RBFOX1: variants seen among roughly 807,000 people sequenced by gnomAD.
RBFOX1 encodes the protein RNA binding protein fox-1 homolog 1.
RBFOX1 carries 8 observed loss-of-function variants against 57.7 expected under a neutral mutation model. The observed-to-expected ratio is 0.14, with a 90% CI of 0.08 to 0.25. The LOEUF (loss-of-function observed/expected upper bound fraction) is 0.25, where lower values mean the gene tolerates loss of function less well. Among genes scored for constraint, RBFOX1 ranks in the 10% least tolerant of loss-of-function variants. The pLI, the probability that RBFOX1 is intolerant of heterozygous loss-of-function variation, is 1.00. For missense variants in RBFOX1, 611 were observed against 548.5 expected (o/e 1.11, Z -1.14); for synonymous variants, 326 against 222.4 (o/e 1.47, Z -4.15).
intron 2 of RBFOX1, among the ~76,000 whole-genome samples, chr16:6,569,504 A>C (rs755678152): frequency 1.2e-4 from 18 of 152,200 alleles, no homozygotes; most frequent in Non-Finnish European, 2.5e-4. Context: ...CCTTCACTAG[A>C]TGGAAGTGTC....
chr16:6,173,462 CACACATAG>C (rs1342951714), intron 1 of RBFOX1, among the ~76,000 whole-genome samples: 2 of 152,118 alleles, frequency 1.3e-5, no homozygotes, highest in Non-Finnish European at 2.9e-5. Flanking sequence ...TGTGCATGTG[CACACATAG>C]ACACACACAC....
At chr16:6,316,897 T>C in intron 1 of RBFOX1, 98 bp from the exon 2 acceptor site, 1 of 854,178 alleles carries the variant, frequency 1.2e-6, no homozygotes, top group Non-Finnish European at 1.8e-6. Flanking sequence ...CAGAACCTAT[T>C]TTGAAGGTTG....
At chr16:7,602,672 C>G (rs2095096006) in intron 9 of RBFOX1, among the ~76,000 whole-genome samples, 1 of 152,060 alleles carries the variant, frequency 6.6e-6, no homozygotes, top group Non-Finnish European at 1.5e-5. Context: ...TTACATAAGC[C>G]CGCATGAGCT....
At chr16:5,859,252 A>C (rs1415400368) in intron 3 of RBFOX1, among the ~76,000 whole-genome samples, 1 of 152,132 alleles carries the variant, frequency 6.6e-6, no homozygotes, top group Non-Finnish European at 1.5e-5. Context: ...GGCTGTTTGC[A>C]AGTGGCTCTG....
chr16:7,277,621 C>G (rs2141032461), intron 4 of RBFOX1, among the ~76,000 whole-genome samples: 1 of 152,098 alleles, frequency 6.6e-6, no homozygotes, highest in South Asian at 2.1e-4. Context: ...CTCATTATTT[C>G]TTAGTCTCAG....
chr16:6,525,675 C>T (rs1197469193), intron 2 of RBFOX1, among the ~76,000 whole-genome samples: 1 of 152,022 alleles, frequency 6.6e-6, no homozygotes, highest in Admixed American at 6.6e-5. Context: ...TAGATGGTGT[C>T]TTGTTGCTGT....
intron 1 of RBFOX1, among the ~76,000 whole-genome samples, chr16:6,260,530 T>C (rs2097695482): frequency 6.6e-6 from 1 of 152,076 alleles, no homozygotes; most frequent in Non-Finnish European, 1.5e-5. Context: ...TAAAAGCCAT[T>C]GAGAAATGGC....
intron 2 of RBFOX1, chr16:6,483,451 C>A (rs749971737): frequency 2.0e-6 from 3 of 1,535,588 alleles, no homozygotes; most frequent in East Asian, 2.4e-5. Flanking sequence ...GGACTTCTCC[C>A]GTGCTGTGTT....
intron 1 of RBFOX1, among the ~76,000 whole-genome samples, chr16:5,287,358 C>T (rs907660844): frequency 1.3e-5 from 2 of 151,992 alleles, no homozygotes; most frequent in African/African-American, 4.8e-5. Flanking sequence ...TTCTGAATTT[C>T]TGGGTAGGTA....
At chr16:5,433,496 G>A (rs1054323080) in intron 1 of RBFOX1, among the ~76,000 whole-genome samples, 3 of 152,192 alleles carry the variant, frequency 2.0e-5, no homozygotes, top group African/African-American at 7.2e-5. Context: ...TGGCATCTTT[G>A]AGGAGGGCAG....
In RBFOX1 at chr16:6,809,911, G is replaced by T. The variant is rs569481714; in HGVS notation, c.-16+155261G>T. Among the ~76,000 whole-genome samples the T allele has an allele frequency of 4.7e-4, 72 of 152,088 alleles. No homozygotes were observed. The South Asian group carries it at 1.0e-2, about 21-fold the overall frequency. Reference sequence around the variant, plus strand: ...TGGAGAGAGTTGCTTTTGTACAAATGAATAAACACCACCAAGATGAGCCTA... The same window carrying T: ...TGGAGAGAGTTGCTTTTGTACAAATTAATAAACACCACCAAGATGAGCCTA... On this transcript the variant is annotated intron_variant, in intron 3 of 15. Transcript: ENST00000550418.
chr16:5,323,082 T>G (rs1221667322), intron 1 of RBFOX1, among the ~76,000 whole-genome samples: 1 of 152,166 alleles, frequency 6.6e-6, no homozygotes, highest in Non-Finnish European at 1.5e-5. Flanking sequence ...ACCTGCAAAA[T>G]GCAATGGGAA....
At chr16:6,865,011 T>C (rs2059672733) in intron 3 of RBFOX1, among the ~76,000 whole-genome samples, 1 of 142,436 alleles carries the variant, frequency 7.0e-6, no homozygotes, top group East Asian at 2.0e-4. Context: ...TTTTTTTTTT[T>C]TTTTTTTTGA....
At chr16:7,082,227 C>T (rs951289179) in intron 4 of RBFOX1, among the ~76,000 whole-genome samples, 3 of 152,118 alleles carry the variant, frequency 2.0e-5, no homozygotes, top group African/African-American at 7.2e-5. Flanking sequence ...AATCTACCTT[C>T]TCAGGAGCTT....
intron 4 of RBFOX1, among the ~76,000 whole-genome samples, chr16:7,299,796 G>C (rs570536645): frequency 6.6e-6 from 1 of 152,322 alleles, no homozygotes; most frequent in African/African-American, 2.4e-5. Context: ...ATTGACCCAA[G>C]AGAACTACAG....
intron 1 of RBFOX1, among the ~76,000 whole-genome samples, chr16:5,419,625 C>A (rs2067254902): frequency 6.6e-6 from 1 of 151,976 alleles, no homozygotes. Flanking sequence ...TCTCTGAGAT[C>A]CCATGTCCCA....
chr16:7,333,084 T>C lies in RBFOX1; in HGVS notation c.28-185063T>C, dbSNP rs147525462. ...GCAGCTCCTTACCTTCCTGGACTGATTCAGGTAATTCAAGGCCTCTGCCAG... is the reference window on the plus strand; with the variant it reads ...GCAGCTCCTTACCTTCCTGGACTGACTCAGGTAATTCAAGGCCTCTGCCAG... On this transcript the variant is annotated intron_variant, in intron 4 of 15. Transcript: ENST00000550418. The C allele has an allele frequency of 1.5e-4, 236 of 1,613,540 alleles. No homozygotes were observed. The highest frequency in any genetic ancestry group is 3.3e-4 in the Middle Eastern group (2 of 6,076).
chr16:7,663,852 C>A (rs181990773), intron 12 of RBFOX1, among the ~76,000 whole-genome samples: 1 of 152,296 alleles, frequency 6.6e-6, no homozygotes, highest in Admixed American at 6.5e-5. Context: ...CGTTTTCATG[C>A]TTAGGAAATA....
At chr16:6,134,196 C>G (rs2096649804) in intron 1 of RBFOX1, among the ~76,000 whole-genome samples, 1 of 152,166 alleles carries the variant, frequency 6.6e-6, no homozygotes, top group South Asian at 2.1e-4. Flanking sequence ...CTCAGCCTCC[C>G]AAAGTGTTGG....
Sources: allele counts gnomAD v4.1 joint callset (sites outside exome capture counted in the v4.1 genomes callset), GRCh38; gene constraint gnomAD v4.1.1; transcripts MANE v1.5; gene names NCBI Gene and HGNC (gene_info 2026-07-23, HGNC 2026-07-21).